The following TMEM232 variants were observed in gnomAD, a reference collection of about 807,000 sequenced individuals.
TMEM232 encodes the protein transmembrane protein 232.
TMEM232 carries 80 observed loss-of-function variants against 78.8 expected under a neutral mutation model. The ratio of observed to expected loss-of-function variants is 1.01; its 90% confidence interval spans 0.85 to 1.22. TMEM232 has a LOEUF of 1.22. Ranked by LOEUF, TMEM232 falls within the 50% of genes most tolerant of loss-of-function variation. The probability of loss-of-function intolerance (pLI) is 0.00; values close to 1 mark genes in which losing one functional copy is unlikely to be tolerated. For missense variants in TMEM232, 881 were observed against 742.2 expected, an observed-to-expected ratio of 1.19 and a Z score of -2.17; for synonymous variants, 297 against 254.3, an observed-to-expected ratio of 1.17 and a Z score of -1.60.
At chr5:110,676,537 CTG>C (rs1286020961) in intron 1 of TMEM232, among the ~76,000 whole-genome samples, 2 of 151,846 alleles carry the variant, frequency 1.3e-5, no homozygotes, top group African/African-American at 2.4e-5. Context: ...GCTCAAATAA[CTG>C]GGACTACAGG....
chr5:110,482,615 T>C (rs1026538556), intron 12 of TMEM232, among the ~76,000 whole-genome samples: 1 of 150,118 alleles, frequency 6.7e-6, no homozygotes, highest in Non-Finnish European at 1.5e-5. Flanking sequence ...ATATTATTTT[T>C]AATTAATGAT....
chr5:110,393,958 C>CA (rs201803686), intron 3 of TMEM232, among the ~76,000 whole-genome samples: 3,552 of 60,330 alleles, frequency 0.059, 189 homozygotes, highest in African/African-American at 0.15. Context: ...AACTTCATCT[C>CA]AAAAAAAAAA....
chr5:110,668,435 C>G (rs183222808), intron 1 of TMEM232, among the ~76,000 whole-genome samples: 1 of 152,114 alleles, frequency 6.6e-6, no homozygotes, highest in Non-Finnish European at 1.5e-5. Context: ...TCCGCCTGTG[C>G]TACTCATTTG....
At chr5:110,710,689 C>A (rs1379906360) in intron 1 of TMEM232, among the ~76,000 whole-genome samples, 4 of 151,840 alleles carry the variant, frequency 2.6e-5, no homozygotes, top group African/African-American at 9.7e-5. Flanking sequence ...AAATCAACAT[C>A]CTTTTATGAT....
At chr5:110,640,029 G>C (rs550156321) in intron 4 of TMEM232, among the ~76,000 whole-genome samples, 3 of 152,142 alleles carry the variant, frequency 2.0e-5, no homozygotes, top group Admixed American at 6.5e-5. Context: ...CACCCCCCTC[G>C]GGTTGGGCAA....
intron 10 of TMEM232, among the ~76,000 whole-genome samples, chr5:110,589,308 C>A (rs1779219373): frequency 6.6e-6 from 1 of 152,098 alleles, no homozygotes; most frequent in Non-Finnish European, 1.5e-5. Context: ...CCCCTGGACC[C>A]CACCTTTTAA....
chr5:110,454,267 T>C (rs1760639442), intron 12 of TMEM232, among the ~76,000 whole-genome samples: 1 of 152,016 alleles, frequency 6.6e-6, no homozygotes, highest in Non-Finnish European at 1.5e-5. Flanking sequence ...AATCAAATCA[T>C]AACAAATTTA....
At chr5:110,718,579 T>C (rs2150338740) in intron 1 of TMEM232, among the ~76,000 whole-genome samples, 1 of 152,224 alleles carries the variant, frequency 6.6e-6, no homozygotes, top group Admixed American at 6.6e-5. Flanking sequence ...AGTGGATTTC[T>C]TCTGTATTTA....
At chr5:110,645,955 T>A (rs1787422742) in intron 2 of TMEM232, among the ~76,000 whole-genome samples, 1 of 151,646 alleles carries the variant, frequency 6.6e-6, no homozygotes, top group African/African-American at 2.4e-5. Context: ...AAAACAATCC[T>A]ATTTATAATA....
intron 12 of TMEM232, among the ~76,000 whole-genome samples, chr5:110,452,081 G>A (rs1481615294): frequency 6.6e-6 from 1 of 152,012 alleles, no homozygotes; most frequent in African/African-American, 2.4e-5. Context: ...CTAAAGTAAA[G>A]CTGGCTACAG....
intron 12 of TMEM232, among the ~76,000 whole-genome samples, chr5:110,448,466 G>C (rs553165997): frequency 6.6e-6 from 1 of 151,962 alleles, no homozygotes; most frequent in Non-Finnish European, 1.5e-5. Context: ...GTTCTACAAA[G>C]ACTAGCAGTG....
At chr5:110,659,362 C>T (rs529579277) in intron 2 of TMEM232, among the ~76,000 whole-genome samples, 20 of 152,056 alleles carry the variant, frequency 1.3e-4, no homozygotes, top group Middle Eastern at 3.4e-3. Context: ...AAGATTGGTC[C>T]CAACCCAGAT....
At chr5:110,625,900 TACA>T (rs1257183309) in intron 6 of TMEM232, among the ~76,000 whole-genome samples, 4 of 151,780 alleles carry the variant, frequency 2.6e-5, no homozygotes, top group Admixed American at 6.6e-5. Flanking sequence ...TGTTATTATT[TACA>T]ACAATAAGAT....
At chr5:110,690,421 G>A (rs1387382510) in intron 1 of TMEM232, among the ~76,000 whole-genome samples, 1 of 152,166 alleles carries the variant, frequency 6.6e-6, no homozygotes, top group African/African-American at 2.4e-5. Context: ...AAACCACAAT[G>A]AGATACCATA....
At chr5:110,427,315 T>G (rs539269036) in intron 12 of TMEM232, among the ~76,000 whole-genome samples, 2 of 152,094 alleles carry the variant, frequency 1.3e-5, no homozygotes, top group Admixed American at 1.3e-4. Context: ...AGGAATTAGA[T>G]ATAAATCAAA....
chr5:110,692,730 C>T, intron 1 of TMEM232, among the ~76,000 whole-genome samples: 1 of 152,150 alleles, frequency 6.6e-6, no homozygotes, highest in East Asian at 1.9e-4. Flanking sequence ...GATCAAACTG[C>T]AAGGCAGCAG....
At chr5:110,508,998 GTATATA>G (rs202045858) in intron 12 of TMEM232, among the ~76,000 whole-genome samples, 2 of 123,482 alleles carry the variant, frequency 1.6e-5, no homozygotes, top group African/African-American at 7.8e-5. Context: ...GTGTATATAT[GTATATA>G]TATATGTATA....
chr5:110,593,652 G>A (rs1339578965), intron 10 of TMEM232, among the ~76,000 whole-genome samples: 2 of 152,170 alleles, frequency 1.3e-5, no homozygotes, highest in East Asian at 3.9e-4. Flanking sequence ...AGAGTAGAAT[G>A]ATGGTTACTA....
intron 2 of TMEM232, among the ~76,000 whole-genome samples, chr5:110,414,280 G>A (rs1181178161): frequency 7.2e-5 from 11 of 152,052 alleles, no homozygotes; most frequent in Admixed American, 7.2e-4. Flanking sequence ...TTTTTAATAT[G>A]TACAGTATTA....
Sources: gnomAD v4.1 joint callset for allele counts (sites outside exome capture counted in the v4.1 genomes callset) on GRCh38, gnomAD v4.1.1 for gene constraint, MANE v1.5 for transcripts, NCBI Gene and HGNC (gene_info 2026-07-23, HGNC 2026-07-21) for gene names.